LAYN: variants seen among roughly 807,000 people sequenced by gnomAD.
The protein encoded by LAYN is layilin.
LAYN carries 38 observed loss-of-function variants against 43.6 expected under a neutral mutation model. That is an observed-to-expected ratio of 0.87 (90% confidence interval 0.67 to 1.14). The LOEUF (loss-of-function observed/expected upper bound fraction) is 1.14. LAYN is among the 50% of genes most tolerant of loss of function. LAYN has a pLI of 0.00. For missense variants in LAYN, 479 were observed against 463.8 expected (o/e 1.03, Z -0.30); for synonymous variants, 168 against 172.9 (o/e 0.97, Z 0.22).
intron 3 of LAYN, among the ~76,000 whole-genome samples, chr11:111,550,648 C>T (rs1312798930): frequency 1.3e-5 from 2 of 152,152 alleles, no homozygotes; most frequent in African/African-American, 2.4e-5. Flanking sequence ...TTTGTCCTCT[C>T]GGATGAATTC....
At chr11:111,541,710 G>A in intron 1 of LAYN, 3 of 815,536 alleles carry the variant, frequency 3.7e-6, no homozygotes, top group Non-Finnish European at 6.1e-6. Flanking sequence ...AGAGGAGACT[G>A]GGAACCTCCT....
At position 111,544,207 on chromosome 11, in the gene LAYN, A is replaced by G; in HGVS notation, c.370A>G (p.Ile124Val). 1.2e-6 allele frequency: 2 copies of G among 1,612,868 alleles called. No homozygotes were observed. Among genetic ancestry groups the G allele is most frequent in the Non-Finnish European group, 1.7e-6 (2 of 1,179,436 alleles). The change falls in exon 2 of 7, where the codon ATA (isoleucine) becomes GTA (valine). Residue 124 changes from isoleucine to valine, a missense_variant. Physicochemically the swap from Ile to Val is conservative, Grantham distance 29. Coordinates refer to ENST00000375614, the MANE Select transcript of LAYN (RefSeq NM_178834.5). ...CCTTTATGCTTGGACTGATGGCAGCATATCACAATTTAGGTAAGTGTGTGG... is the reference window on the plus strand; with the variant it reads ...CCTTTATGCTTGGACTGATGGCAGCGTATCACAATTTAGGTAAGTGTGTGG... ...QDLYAWTDGS[I>V]SQFRNWYVDE...
intron 3 of LAYN, among the ~76,000 whole-genome samples, chr11:111,553,058 C>T (rs780135347): frequency 3.9e-5 from 6 of 151,978 alleles, no homozygotes; most frequent in Non-Finnish European, 7.4e-5. Context: ...CTGGCTAACA[C>T]TGTGAAACCC....
chr11:111,557,780 A>T, intron 6 of LAYN, 137 bp downstream of exon 6: 1 of 756,126 alleles, frequency 1.3e-6, no homozygotes, highest in Non-Finnish European at 2.4e-6. Context: ...GGGTTCTCTG[A>T]CAGGTCAGGG....
intron 3 of LAYN, 88 bp from the exon 4 acceptor site, chr11:111,554,472 TA>T: frequency 2.0e-6 from 2 of 1,001,060 alleles, no homozygotes; most frequent in Non-Finnish European, 3.1e-6. Context: ...AATCAGCAAA[TA>T]AATGGATGCC....
rs1462486460 is a variant in LAYN, at chr11:111,560,218, A to G, written c.885A>G (p.Leu295=). The G allele has an allele frequency of 6.2e-7, 1 of 1,614,220 alleles. No individual in the cohort carries two copies. Among genetic ancestry groups the G allele is most frequent in the Admixed American group, 1.7e-5 (1 of 60,026 alleles). Residue 295 remains leucine, a synonymous_variant, in exon 7 of 7, where the codon TTA becomes TTG. Coordinates refer to ENST00000375614, the MANE Select transcript of LAYN (RefSeq NM_178834.5). ...TAAGAAAACAAAGCGAAGCTGACTT[A>G]GCTGAGACCCGGCCAGACCTGAAGA... ...NVIRKQSEAD[L]AETRPDLKNI...
chr11:111,541,309 GCCAGCTGGCCCCCGCCTACCGC>G (rs1402977861), intron 1 of LAYN: 1 of 603,562 alleles, frequency 1.7e-6, no homozygotes, highest in African/African-American at 1.9e-5. Flanking sequence ...GGGCAGGCTT[GCCAGCTGGCCCCCGCCTACCGC>G]CCGCTCCGGG....
At chr11:111,542,833 T>A (rs1867572597) in intron 1 of LAYN, among the ~76,000 whole-genome samples, 1 of 152,212 alleles carries the variant, frequency 6.6e-6, no homozygotes, top group African/African-American at 2.4e-5. Context: ...TCCCAGCACC[T>A]CGCACAGTGC....
At chr11:111,555,321 A>G (rs547256834) in intron 5 of LAYN, 31 bp downstream of exon 5, 81 of 1,461,236 alleles carry the variant, frequency 5.5e-5, no homozygotes, top group Non-Finnish European at 7.4e-5. Context: ...GGAAAGATGA[A>G]TAATCAGGCT....
At chr11:111,557,721 T>C in intron 6 of LAYN, 78 bp downstream of exon 6, 1 of 1,186,648 alleles carries the variant, frequency 8.4e-7, no homozygotes, top group Admixed American at 1.7e-5. Context: ...GTTTACTTCA[T>C]TAAAACCCAC....
At chr11:111,552,818 G>T (rs553557259) in intron 3 of LAYN, among the ~76,000 whole-genome samples, 1 of 152,122 alleles carries the variant, frequency 6.6e-6, no homozygotes, top group African/African-American at 2.4e-5. Context: ...TGGCTATCCT[G>T]TAGAATATAA....
chr11:111,560,168 C>T lies in LAYN; in HGVS notation c.835C>T (p.Pro279Ser). ...GCCCTCTCCTCACCAGGGAAACAGCCCGGACCTAGAGGTCTACAATGTCAT... is the reference window on the plus strand; with the variant it reads ...GCCCTCTCCTCACCAGGGAAACAGCTCGGACCTAGAGGTCTACAATGTCAT... The part of the protein sequence containing the change: ...IWPSPHQGNS[P>S]DLEVYNVIRK... Residue 279 changes from proline (P) to serine (S), a missense_variant, in exon 7 of 7, where the codon CCG becomes TCG. By Grantham distance (74) the Pro-to-Ser change is moderately conservative. Transcript: ENST00000375614. 1 of 1,614,172 alleles carries T rather than the reference C, an allele frequency of 6.2e-7. No individual in the cohort carries two copies. Among genetic ancestry groups the T allele is most frequent in the Non-Finnish European group, 8.5e-7 (1 of 1,180,026 alleles).
At chr11:111,555,318 T>A (rs764320300) in intron 5 of LAYN, 28 bp downstream of exon 5, 1 of 1,498,112 alleles carries the variant, frequency 6.7e-7, no homozygotes, top group South Asian at 1.1e-5. Context: ...CTGGGAAAGA[T>A]GAATAATCAG....
At chr11:111,552,814 T>C (rs1867766793) in intron 3 of LAYN, among the ~76,000 whole-genome samples, 2 of 152,226 alleles carry the variant, frequency 1.3e-5, no homozygotes, top group Admixed American at 1.3e-4. Context: ...TTTATGGCTA[T>C]CCTGTAGAAT....
intron 4 of LAYN, 43 bp downstream of exon 4, chr11:111,554,636 A>G (rs1376441141): frequency 6.5e-7 from 1 of 1,542,796 alleles, no homozygotes; most frequent in South Asian, 1.1e-5. Flanking sequence ...GGGCTGTTTC[A>G]TAGCCCCTCT....
In LAYN at chr11:111,554,587, G is replaced by A. The variant is rs1486158325; in HGVS notation, c.568G>A (p.Ala190Thr). 6.2e-7 allele frequency: 1 copy of A among 1,613,196 alleles called. No homozygotes were observed. The highest frequency in any genetic ancestry group is 1.1e-5 in the South Asian group (1 of 91,068). The change falls in exon 4 of 7, where the codon GCT becomes ACT. Residue 190 changes from alanine (A) to threonine (T), a missense_variant. Ala to Thr is a moderately conservative substitution (Grantham distance 58). Coordinates refer to ENST00000375614, the MANE Select transcript of LAYN (RefSeq NM_178834.5). Reference protein sequence around the residue: ...DEKPAVPSREAEGEETELTTP... With the variant: ...DEKPAVPSRETEGEETELTTP... ...GAAACCAGCAGTTCCTTCTAGAGAA[G>A]CTGAAGGTAAGCCTGTTACTTGAGA...
chr11:111,560,272 A>C lies in LAYN; in HGVS notation c.939A>C (p.Glu313Asp). ...KNISFRVCSG[E>D]ATPDDMSCDY... is the part of the protein sequence containing the mutation. ...TTTCATTCCGAGTGTGTTCGGGAGAAGCCACTCCCGATGACATGTCTTGTG... is the reference window on the plus strand; with the variant it reads ...TTTCATTCCGAGTGTGTTCGGGAGACGCCACTCCCGATGACATGTCTTGTG... Residue 313 changes from glutamate to aspartate, a missense_variant, in exon 7 of 7, where the codon GAA becomes GAC. Coordinates refer to ENST00000375614, the MANE Select transcript of LAYN (RefSeq NM_178834.5). 1 of 1,614,190 alleles carries C rather than the reference A, an allele frequency of 6.2e-7. No homozygotes were observed. Among genetic ancestry groups the C allele is most frequent in the Non-Finnish European group, 8.5e-7 (1 of 1,180,006 alleles).
At chr11:111,543,728 A>G (rs1049296424) in intron 1 of LAYN, among the ~76,000 whole-genome samples, 195 bp from the exon 2 acceptor site, 1 of 152,278 alleles carries the variant, frequency 6.6e-6, no homozygotes, top group Non-Finnish European at 1.5e-5. Context: ...TATAGGCATC[A>G]GAGTTTAAAT....
At chr11:111,545,440 C>T (rs561665507) in intron 2 of LAYN, among the ~76,000 whole-genome samples, 1 of 152,178 alleles carries the variant, frequency 6.6e-6, no homozygotes, top group Non-Finnish European at 1.5e-5. Flanking sequence ...GTGCACTTTT[C>T]TATTGACCAT....
Sources: gnomAD v4.1 joint callset for allele counts (sites outside exome capture counted in the v4.1 genomes callset) on GRCh38, gnomAD v4.1.1 for gene constraint, MANE v1.5 for transcripts, NCBI Gene and HGNC (gene_info 2026-07-23, HGNC 2026-07-21) for gene names.